HOXA3: variants seen among roughly 807,000 people sequenced by gnomAD.
HOXA3 encodes the protein homeobox protein Hox-A3.
In HOXA3, 8 loss-of-function variants were observed where a neutral mutation model predicts 30.3. The observed-to-expected ratio is 0.26, with a 90% CI of 0.15 to 0.48. The LOEUF (loss-of-function observed/expected upper bound fraction) is 0.48, where lower values mean the gene tolerates loss of function less well. HOXA3 is among the 20% of genes least tolerant of loss of function. HOXA3 has a pLI of 0.99. For missense variants in HOXA3, 653 were observed against 614.4 expected (o/e 1.06, Z -0.66); for synonymous variants, 323 against 273.1 (o/e 1.18, Z -1.80).
chr7:27,107,993 G>A lies in HOXA3; in HGVS notation c.1254C>T (p.His418=), dbSNP rs1015536142. 2.5e-6 allele frequency: 4 copies of A among 1,611,790 alleles called. No homozygotes were observed. The highest frequency in any genetic ancestry group is 3.4e-6 in the Non-Finnish European group (4 of 1,178,498). The change falls in exon 6 of 6, where the codon CAC becomes CAT. Residue 418 remains histidine, a synonymous_variant. Transcript: ENST00000612286. ...GGCCGGTAAGGTCCGTGTAGGTGGG[G>A]TGCGGCTCCCCAGGCCCCGGCCCGT... The part of the protein sequence containing the change: ...HHHGPGPGEP[H]PTYTDLTGHH...
At chr7:27,146,251 T>TG (rs1782763250) in intron 1 of HOXA3, among the ~76,000 whole-genome samples, 9 of 149,012 alleles carry the variant, frequency 6.0e-5, no homozygotes, top group Non-Finnish European at 7.4e-5. Flanking sequence ...GTGTGTGTGT[T>TG]TGTGTGTGTG....
chr7:27,141,352 T>C (rs1325318815), intron 1 of HOXA3: 1 of 156,030 alleles, frequency 6.4e-6, no homozygotes, highest in South Asian at 2.0e-4. Flanking sequence ...TCTCATCAAG[T>C]CACCTCTACA....
intron 1 of HOXA3, chr7:27,147,638 A>G (rs1453518460): frequency 6.2e-7 from 1 of 1,614,212 alleles, no homozygotes. Context: ...GAGGCCGGGA[A>G]GGGCCTCAGC....
At chr7:27,145,313 G>A (rs1782713180) in intron 1 of HOXA3, 1 of 291,806 alleles carries the variant, frequency 3.4e-6, no homozygotes, top group Admixed American at 4.7e-5. Context: ...GGAGCTCAGA[G>A]ACACTAGCAC....
Position 27,108,349 on chromosome 7 carries a change from G to C in HOXA3, c.898C>G (p.Pro300Ala). 6.6e-7 allele frequency: 1 copy of C among 1,516,108 alleles called. No individual in the cohort carries two copies. Among genetic ancestry groups the C allele is most frequent in the Non-Finnish European group, 9.0e-7 (1 of 1,115,404 alleles). The allele number at this position is 1,516,108 out of a possible 1,614,324, so 93.9% of individuals were successfully genotyped here. ...GGCAGCCCGTAGGTACCCTGGGGGG[G>C]CTTGGAGAAGGGCGGGGGCGACTGG... is the stretch of plus-strand genomic sequence containing the variant. Reference protein sequence around the residue: ...EPQSPPPFSKPPQGTYGLPPA... With the variant: ...EPQSPPPFSKAPQGTYGLPPA... The change falls in exon 6 of 6, where the codon CCC becomes GCC. Residue 300 changes from proline to alanine, a missense_variant. Pro to Ala is a conservative substitution (Grantham distance 27). Transcript: ENST00000612286. This position sits in a 1 kb window ranked among gnomAD's most constrained non-coding sequence, Gnocchi z 5.0.
intron 4 of HOXA3, among the ~76,000 whole-genome samples, chr7:27,111,485 C>CGTGTGTGTGTGTGTGTGTGTGTGT (rs61655486): frequency 1.4e-3 from 207 of 148,886 alleles, no homozygotes; most frequent in African/African-American, 4.7e-3. Context: ...GAACACATTG[C>CGTGTGTGTGTGTGTGTGTGTGTGT]GTGTGTGTGT....
chr7:27,145,449 T>G (rs1782720957), intron 1 of HOXA3: 6 of 330,712 alleles, frequency 1.8e-5, no homozygotes, highest in Non-Finnish European at 1.4e-5. Flanking sequence ...TGTGTGAGGT[T>G]TTGTTTTGTT....
At position 27,145,466 on chromosome 7, in the gene HOXA3, T is replaced by G. The variant is rs998857390; in HGVS notation, c.-493-5280A>C. The G allele has an allele frequency of 1.1e-4, 78 of 686,316 alleles. 1 individual carries two copies. The highest frequency in any genetic ancestry group is 8.2e-4 in the Middle Eastern group (2 of 2,426). 42.5% of individuals were successfully genotyped at this position (686,316 alleles called of 1,614,324 possible). A position where few individuals can be genotyped will look rare whatever the true frequency, so the allele number is the denominator to read the frequency against. On this transcript the variant is annotated intron_variant, in intron 1 of 5. Coordinates refer to ENST00000612286, the MANE Select transcript of HOXA3 (RefSeq NM_153631.3). Reference sequence around the variant, plus strand: ...TGTGAGGTTTTGTTTTGTTTTGTTTTGTTTTGTTTTGTTTTGTTTTGTTTT... The same window carrying G: ...TGTGAGGTTTTGTTTTGTTTTGTTTGGTTTTGTTTTGTTTTGTTTTGTTTT...
chr7:27,108,809 GCCCCAAAGGTTCCTGCAT>G lies in HOXA3; in HGVS notation c.527-107_527-90del. 1.0e-6 allele frequency: 1 copy of G among 979,618 alleles called. No homozygotes were observed. Among genetic ancestry groups the G allele is most frequent in the South Asian group, 1.6e-5 (1 of 61,932 alleles). 60.7% of individuals were successfully genotyped at this position (979,618 alleles called of 1,614,324 possible). ...CCAGCCCGGCCCCTCCTTCCACCAG[GCCCCAAAGGTTCCTGCAT>G]CCGTCAGGTCCCAGAGAGAAGTAGG... On this transcript the variant is annotated intron_variant, in intron 5 of 5. Transcript: ENST00000612286. This position sits in a 1 kb window ranked among gnomAD's most constrained non-coding sequence, Gnocchi z 5.0.
At chr7:27,145,228 C>T (rs1406882511) in intron 1 of HOXA3, among the ~76,000 whole-genome samples, 1 of 152,198 alleles carries the variant, frequency 6.6e-6, no homozygotes. Context: ...GGGACTTAGG[C>T]AGAGACGCCC....
At chr7:27,122,498 C>A (rs1233120876) in intron 4 of HOXA3, 61 bp downstream of exon 4, 1 of 152,248 alleles carries the variant, frequency 6.6e-6, no homozygotes, top group Non-Finnish European at 1.5e-5. Flanking sequence ...GGAGGGCCAA[C>A]TCCTCCCAAC....
In HOXA3 at chr7:27,108,249, C is replaced by T. The variant is rs1158154489; in HGVS notation, c.998G>A (p.Gly333Glu). 1 of 1,518,696 alleles carries T rather than the reference C, an allele frequency of 6.6e-7. No individual in the cohort carries two copies. Among genetic ancestry groups the T allele is most frequent in the Admixed American group, 2.2e-5 (1 of 45,478 alleles). 94.1% of individuals were successfully genotyped at this position (1,518,696 alleles called of 1,614,324 possible). A position where few individuals can be genotyped will look rare whatever the true frequency, so the allele number is the denominator to read the frequency against. Residue 333 changes from glycine (G) to glutamate (E), a missense_variant, in exon 6 of 6, where the codon GGG becomes GAG. This residue lies in a region of HOXA3 where 330 missense variants were observed against 274.4 expected (regional missense o/e 1.20). Coordinates refer to ENST00000612286, the MANE Select transcript of HOXA3 (RefSeq NM_153631.3). The surrounding 1 kb of genome is among the most constrained non-coding windows in gnomAD (Gnocchi z 5.0). ...PPPQKRYTAA[G>E]AGAGGTPDYD... ...GTCGGGGGTGCCCCCTGCGCCCGCC[C>T]CTGCCGCCGTGTAGCGCTTCTGTGG...
At position 27,145,579 on chromosome 7, in the gene HOXA3, G is replaced by A. The variant is rs1782728700; in HGVS notation, c.-493-5393C>T. The A allele has an allele frequency of 3.9e-6, 6 of 1,538,050 alleles. No homozygotes were observed. In the South Asian group the frequency reaches 5.0e-5, roughly 13 times the overall value. On this transcript the variant is annotated intron_variant, in intron 1 of 5. Coordinates refer to ENST00000612286, the MANE Select transcript of HOXA3 (RefSeq NM_153631.3). Reference sequence around the variant, plus strand: ...GCCCCCAGATGGGAGCAGGCGGGGAGAAAAGTTGGGGAACAGGCGAGGGCA... The same window carrying A: ...GCCCCCAGATGGGAGCAGGCGGGGAAAAAAGTTGGGGAACAGGCGAGGGCA...
At chr7:27,122,456 T>G (rs1172978444) in intron 4 of HOXA3, 103 bp downstream of exon 4, 1 of 152,196 alleles carries the variant, frequency 6.6e-6, no homozygotes, top group Non-Finnish European at 1.5e-5. Context: ...GACCAGAACC[T>G]CTTTCAACAG....
chr7:27,127,579 T>G (rs1308719081), intron 2 of HOXA3, among the ~76,000 whole-genome samples: 1 of 152,234 alleles, frequency 6.6e-6, no homozygotes, highest in Admixed American at 6.5e-5. Flanking sequence ...CAAGGCCAGG[T>G]GACAGTTCTA....
chr7:27,143,467 G>A, intron 1 of HOXA3: 2 of 1,613,864 alleles, frequency 1.2e-6, no homozygotes, highest in Non-Finnish European at 1.7e-6. Context: ...CATTGTAGCC[G>A]TAGCCGTACC....
chr7:27,146,910 G>A (rs779344317), intron 1 of HOXA3, among the ~76,000 whole-genome samples: 1 of 152,204 alleles, frequency 6.6e-6, no homozygotes, highest in Non-Finnish European at 1.5e-5. Flanking sequence ...GAGGGGGTTG[G>A]GAAGCAAAGG....
chr7:27,143,324 G>C (rs1369095715), intron 1 of HOXA3: 1 of 1,597,802 alleles, frequency 6.3e-7, no homozygotes, highest in Non-Finnish European at 8.5e-7. Flanking sequence ...GGGCTGAGGA[G>C]AGTGCGTGGA....
At position 27,130,245 on chromosome 7, in the gene HOXA3, G is replaced by A. The variant is rs748190372; in HGVS notation, c.-389-3175C>T. On this transcript the variant is annotated intron_variant, in intron 2 of 5. Transcript: ENST00000612286. ...CGCTGCCCCCTGCCGGGACGCCTGGGGTGGCGGGGGCCGCCTCGCAGCGCC... is the reference window on the plus strand; with the variant it reads ...CGCTGCCCCCTGCCGGGACGCCTGGAGTGGCGGGGGCCGCCTCGCAGCGCC... 8 of 1,283,256 alleles carry A rather than the reference G, an allele frequency of 6.2e-6. No individual in the cohort carries two copies. The South Asian group carries it at 1.2e-4, about 20-fold the overall frequency. The allele number at this position is 1,283,256 out of a possible 1,614,324, so 79.5% of individuals were successfully genotyped here.
Sources: gnomAD v4.1 joint callset for allele counts (sites outside exome capture counted in the v4.1 genomes callset) on GRCh38, gnomAD v4.1.1 for gene constraint, gnomAD v4.1.1 regional missense constraint, Gnocchi (gnomAD v3.1) non-coding constraint, MANE v1.5 for transcripts, NCBI Gene and HGNC (gene_info 2026-07-23, HGNC 2026-07-21) for gene names.